The following CCDC171 variants were observed in gnomAD, a reference collection of about 807,000 sequenced individuals.
CCDC171 encodes coiled-coil domain-containing protein 171.
Under a neutral mutation model 168.2 loss-of-function variants are expected in CCDC171, and 177 were observed. The ratio of observed to expected loss-of-function variants is 1.05; its 90% CI spans 0.93 to 1.19. CCDC171 has a LOEUF of 1.19. CCDC171 is among the 50% of genes most tolerant of loss of function. The pLI is 0.00. For synonymous variants in CCDC171, 687 were observed against 540.8 expected (o/e 1.27, Z -3.75); for missense variants, 1,991 against 1,539.0 (o/e 1.29, Z -4.91).
intron 14 of CCDC171, among the ~76,000 whole-genome samples, 181 bp from the exon 15 acceptor site, chr9:15,727,688 C>T (rs930580218): frequency 6.6e-6 from 1 of 151,974 alleles, no homozygotes; most frequent in Non-Finnish European, 1.5e-5. Context: ...GTAAGCAATT[C>T]CAAATGTTTT....
intron 18 of CCDC171, among the ~76,000 whole-genome samples, chr9:15,773,619 A>G (rs2057128973): frequency 6.6e-6 from 1 of 152,172 alleles, no homozygotes; most frequent in Admixed American, 6.5e-5. Context: ...AGTCTAGACA[A>G]GTATACATGA....
At chr9:15,755,677 A>C (rs1371550298) in intron 18 of CCDC171, among the ~76,000 whole-genome samples, 1 of 152,224 alleles carries the variant, frequency 6.6e-6, no homozygotes, top group African/African-American at 2.4e-5. Context: ...GACATTATGT[A>C]GTGAAAGAGG....
chr9:15,610,759 G>A (rs1437996960), intron 6 of CCDC171, among the ~76,000 whole-genome samples: 1 of 152,192 alleles, frequency 6.6e-6, no homozygotes, highest in Non-Finnish European at 1.5e-5. Context: ...GGGTCTCACT[G>A]TGTTGCCCAG....
At chr9:15,635,588 C>T (rs1293996267) in intron 7 of CCDC171, among the ~76,000 whole-genome samples, 1 of 152,142 alleles carries the variant, frequency 6.6e-6, no homozygotes, top group Admixed American at 6.5e-5. Flanking sequence ...GGGTAGGCTG[C>T]CTCTCCCACT....
chr9:15,947,942 A>G (rs1182020194), intron 25 of CCDC171, among the ~76,000 whole-genome samples: 4 of 151,766 alleles, frequency 2.6e-5, no homozygotes, highest in African/African-American at 4.8e-5. Context: ...ATCATCTAGC[A>G]TTGGGTATAT....
intron 10 of CCDC171, among the ~76,000 whole-genome samples, chr9:15,692,952 C>T (rs987498732): frequency 1.3e-5 from 2 of 151,954 alleles, no homozygotes; most frequent in Non-Finnish European, 2.9e-5. Flanking sequence ...GCCTGGTCAA[C>T]ATGGTGAAAC....
At chr9:15,726,130 T>A (rs1199945061) in intron 14 of CCDC171, among the ~76,000 whole-genome samples, 1 of 152,156 alleles carries the variant, frequency 6.6e-6, no homozygotes, top group Non-Finnish European at 1.5e-5. Flanking sequence ...TTTCCACTCT[T>A]TTTACAGTCT....
chr9:15,756,690 G>A (rs2056138673), intron 18 of CCDC171, among the ~76,000 whole-genome samples: 1 of 152,154 alleles, frequency 6.6e-6, no homozygotes, highest in African/African-American at 2.4e-5. Context: ...TAATGGTTTG[G>A]CTCTATGTCC....
At chr9:15,702,677 C>G (rs1282690600) in intron 11 of CCDC171, among the ~76,000 whole-genome samples, 2 of 152,160 alleles carry the variant, frequency 1.3e-5, no homozygotes, top group Non-Finnish European at 2.9e-5. Context: ...CACTGAAAAT[C>G]TGTTGTTTAG....
At chr9:16,081,237 T>C in the CCDC171 span, among the ~76,000 whole-genome samples, 1 of 152,206 alleles carries the variant, frequency 6.6e-6, no homozygotes. Flanking sequence ...CAGATTTTCT[T>C]TGGATATTCA....
At chr9:15,749,640 A>G (rs1316949455) in intron 18 of CCDC171, among the ~76,000 whole-genome samples, 1 of 152,244 alleles carries the variant, frequency 6.6e-6, no homozygotes, top group East Asian at 1.9e-4. Flanking sequence ...CCACACTGCA[A>G]TCAAACTAGA....
chr9:15,954,549 A>T (rs1445106470), intron 25 of CCDC171, among the ~76,000 whole-genome samples: 1 of 151,888 alleles, frequency 6.6e-6, no homozygotes, highest in East Asian at 1.9e-4. Context: ...CACAGTGCAT[A>T]TGTTGCTCTG....
At chr9:15,993,535 C>G (rs1832271949) in intron 3 of CCDC171, among the ~76,000 whole-genome samples, 2 of 152,156 alleles carry the variant, frequency 1.3e-5, no homozygotes, top group Non-Finnish European at 2.9e-5. Context: ...TAGGCATGGG[C>G]AAGGACTTCA....
intron 7 of CCDC171, among the ~76,000 whole-genome samples, chr9:15,643,451 C>T (rs563755529): frequency 6.6e-6 from 1 of 152,262 alleles, no homozygotes; most frequent in East Asian, 1.9e-4. Flanking sequence ...TGTTCTAAGG[C>T]TTCAAAGTCA....
chr9:16,079,862 T>C, the CCDC171 span, among the ~76,000 whole-genome samples: 2 of 152,210 alleles, frequency 1.3e-5, no homozygotes, highest in South Asian at 4.1e-4. Flanking sequence ...ATTAACTCCT[T>C]TATTCCTCTT....
intron 6 of CCDC171, among the ~76,000 whole-genome samples, chr9:15,608,332 C>T (rs2043371941): frequency 6.6e-6 from 1 of 152,202 alleles, no homozygotes. Flanking sequence ...TAAATTATTA[C>T]AGACAGTGAT....
At chr9:15,570,454 G>A (rs931497189) in intron 2 of CCDC171, among the ~76,000 whole-genome samples, 1 of 151,220 alleles carries the variant, frequency 6.6e-6, no homozygotes, top group African/African-American at 2.4e-5. Flanking sequence ...TCTTTTCTAT[G>A]CACCATATTT....
chr9:15,563,258 C>G (rs1396947651), intron 1 of CCDC171, among the ~76,000 whole-genome samples: 1 of 151,892 alleles, frequency 6.6e-6, no homozygotes, highest in Non-Finnish European at 1.5e-5. Context: ...TCCACCTCAG[C>G]CTCCTGAGTA....
chr9:16,054,710 GGAGA>G (rs1006737296), intron 1 of CCDC171, among the ~76,000 whole-genome samples: 1 of 152,238 alleles, frequency 6.6e-6, no homozygotes, highest in African/African-American at 2.4e-5. Context: ...GCTGTTTGAT[GGAGA>G]GAGTCCTTGC....
Sources: allele counts gnomAD v4.1 joint callset (sites outside exome capture counted in the v4.1 genomes callset), GRCh38; gene constraint gnomAD v4.1.1; transcripts MANE v1.5; gene names NCBI Gene and HGNC (gene_info 2026-07-23, HGNC 2026-07-21).